Variants in PHKB observed in about 807,000 individuals in gnomAD.
The protein encoded by PHKB is phosphorylase b kinase regulatory subunit beta.
In PHKB, 122 loss-of-function variants were observed where a neutral mutation model predicts 152.1. That is an observed-to-expected ratio of 0.80 (90% confidence interval 0.69 to 0.93). PHKB has a LOEUF of 0.93. Ranked by LOEUF, PHKB falls within the 40% of genes least tolerant of loss-of-function variation. PHKB has a pLI of 0.00. For synonymous variants in PHKB, 436 were observed against 464.9 expected, an observed-to-expected ratio of 0.94 and a Z score of 0.80; for missense variants, 1,304 against 1,328.4, an observed-to-expected ratio of 0.98 and a Z score of 0.29.
At chr16:47,650,671 AAC>A (rs1597151077) in intron 19 of PHKB, 45 bp downstream of exon 19, 1 of 1,367,886 alleles carries the variant, frequency 7.3e-7, no homozygotes, top group Non-Finnish European at 1.0e-6. Context: ...CACTGACATG[AAC>A]ACAGTGAGCC....
chr16:47,595,047 T>C (rs1255872903), intron 12 of PHKB, among the ~76,000 whole-genome samples: 1 of 152,266 alleles, frequency 6.6e-6, no homozygotes, highest in African/African-American at 2.4e-5. Context: ...AAAGTGAATA[T>C]TAATTTTTAA....
At chr16:47,507,591 C>T (rs1372163078) in intron 4 of PHKB, among the ~76,000 whole-genome samples, 2 of 151,920 alleles carry the variant, frequency 1.3e-5, no homozygotes, top group Non-Finnish European at 2.9e-5. Flanking sequence ...CTCCTGGGCT[C>T]AAGCAATCCT....
At chr16:47,545,301 C>A (rs887825565) in intron 6 of PHKB, among the ~76,000 whole-genome samples, 1 of 152,146 alleles carries the variant, frequency 6.6e-6, no homozygotes, top group Non-Finnish European at 1.5e-5. Context: ...GTGATAAAAT[C>A]TCTCAGCATT....
At chr16:47,551,193 T>A (rs1175296320) in intron 7 of PHKB, among the ~76,000 whole-genome samples, 1 of 152,050 alleles carries the variant, frequency 6.6e-6, no homozygotes, top group East Asian at 1.9e-4. Flanking sequence ...TTTTGAAGGG[T>A]TTTTTGTGTC....
At chr16:47,545,736 G>A (rs373406338) in intron 6 of PHKB, among the ~76,000 whole-genome samples, 32 of 152,288 alleles carry the variant, frequency 2.1e-4, no homozygotes, top group East Asian at 9.6e-4. Context: ...CGAATCAAAC[G>A]TAGATTTGGT....
At chr16:47,655,931 C>T (rs1202712615) in intron 20 of PHKB, among the ~76,000 whole-genome samples, 2 of 152,150 alleles carry the variant, frequency 1.3e-5, no homozygotes, top group Non-Finnish European at 2.9e-5. Context: ...ACTTCACTAC[C>T]TATCTCATTT....
chr16:47,638,731 C>A (rs1354127626), intron 14 of PHKB, among the ~76,000 whole-genome samples: 1 of 152,180 alleles, frequency 6.6e-6, no homozygotes, highest in East Asian at 1.9e-4. Flanking sequence ...GTGTCATATT[C>A]GTATTCTAAC....
At chr16:47,595,157 CA>C (rs1972096185) in intron 12 of PHKB, among the ~76,000 whole-genome samples, 1 of 152,110 alleles carries the variant, frequency 6.6e-6, no homozygotes, top group Non-Finnish European at 1.5e-5. Flanking sequence ...TCCTTTGAAG[CA>C]GATCTTTTAA....
At chr16:47,675,614 A>G (rs1973717800) in intron 26 of PHKB, 1 of 152,126 alleles carries the variant, frequency 6.6e-6, no homozygotes, top group Non-Finnish European at 1.5e-5. Context: ...CTCTCACAAG[A>G]GAAGTTCACC....
At chr16:47,490,924 T>C (rs1211171603) in intron 1 of PHKB, among the ~76,000 whole-genome samples, 1 of 152,216 alleles carries the variant, frequency 6.6e-6, no homozygotes, top group Non-Finnish European at 1.5e-5. Flanking sequence ...GCCACTTGTT[T>C]GAACCTTCAG....
chr16:47,514,566 A>G (rs1597046360), intron 5 of PHKB, among the ~76,000 whole-genome samples: 1 of 152,208 alleles, frequency 6.6e-6, no homozygotes, highest in African/African-American at 2.4e-5. Flanking sequence ...ATTGGGTGGC[A>G]CCTGCCGACC....
intron 1 of PHKB, among the ~76,000 whole-genome samples, chr16:47,481,329 G>A (rs963427029): frequency 2.0e-5 from 3 of 152,188 alleles, no homozygotes; most frequent in Non-Finnish European, 4.4e-5. Context: ...TCCCTCATCT[G>A]ACATAATTAA....
intron 14 of PHKB, among the ~76,000 whole-genome samples, chr16:47,630,380 G>A (rs1010485397): frequency 1.3e-5 from 2 of 152,008 alleles, no homozygotes; most frequent in African/African-American, 2.4e-5. Context: ...TACTCGGGAG[G>A]CTGAGGCATG....
chr16:47,537,969 A>G (rs1387928240), intron 6 of PHKB, among the ~76,000 whole-genome samples: 1 of 151,598 alleles, frequency 6.6e-6, no homozygotes, highest in African/African-American at 2.4e-5. Flanking sequence ...ATCACAGCTC[A>G]CTGTCCTCAG....
At chr16:47,526,520 CCAACCAGGCCCCATCGT>C (rs1026840075) in intron 6 of PHKB, among the ~76,000 whole-genome samples, 2 of 152,054 alleles carry the variant, frequency 1.3e-5, no homozygotes, top group Admixed American at 1.3e-4. Flanking sequence ...GGTTTCCTTC[CCAACCAGGCCCCATCGT>C]CAAGAGTTCA....
intron 14 of PHKB, among the ~76,000 whole-genome samples, chr16:47,630,599 ACT>A (rs1039872931): frequency 2.6e-5 from 4 of 152,160 alleles, no homozygotes; most frequent in Non-Finnish European, 2.9e-5. Context: ...GATTTGGCAG[ACT>A]CTACTCCCCA....
chr16:47,606,280 A>G (rs1440110819), intron 13 of PHKB, among the ~76,000 whole-genome samples: 1 of 152,214 alleles, frequency 6.6e-6, no homozygotes, highest in East Asian at 1.9e-4. Flanking sequence ...TAGTATAGAA[A>G]TATTCCTAAA....
chr16:47,610,716 T>C (rs1972410984), intron 13 of PHKB, 110 bp from the exon 14 acceptor site: 1 of 726,980 alleles, frequency 1.4e-6, no homozygotes, highest in Non-Finnish European at 2.5e-6. Flanking sequence ...TCATGTACAC[T>C]GAGAAAAATG....
intron 1 of PHKB, among the ~76,000 whole-genome samples, chr16:47,494,603 T>A (rs1361883765): frequency 1.3e-5 from 2 of 152,184 alleles, no homozygotes; most frequent in Non-Finnish European, 2.9e-5. Context: ...TCTGAGCTAT[T>A]TTTCTCCTAT....
Sources: gnomAD v4.1 joint callset for allele counts (sites outside exome capture counted in the v4.1 genomes callset) on GRCh38, gnomAD v4.1.1 for gene constraint, MANE v1.5 for transcripts, NCBI Gene and HGNC (gene_info 2026-07-23, HGNC 2026-07-21) for gene names.